NOTCH1: variants seen among roughly 807,000 people sequenced by gnomAD.
The protein encoded by NOTCH1 is notch receptor 1, also known as neurogenic locus notch homolog protein 1.
A neutral mutation model predicts 254.8 loss-of-function variants in NOTCH1; 37 were observed. That is an observed-to-expected ratio of 0.15 (90% CI 0.11 to 0.19). The LOEUF is 0.19. NOTCH1 is among the 10% of genes least tolerant of loss of function. The probability of loss-of-function intolerance (pLI) is 1.00; values close to 1 mark genes in which losing one functional copy is unlikely to be tolerated. For missense variants in NOTCH1, 2,972 were observed against 3,708.6 expected (o/e 0.80, Z 5.16); for synonymous variants, 1,731 against 1,618.1 (o/e 1.07, Z -1.68).
At chr9:136,509,186 C>T (rs909149460) in intron 18 of NOTCH1, 115 bp from the exon 19 acceptor site, 42 of 1,072,970 alleles carry the variant, frequency 3.9e-5, no homozygotes, top group Non-Finnish European at 5.4e-5. Context: ...GCCTGATGGC[C>T]AGGACAGGCC....
chr9:136,518,048 G>A (rs1231235503), intron 7 of NOTCH1, 89 bp downstream of exon 7: 2 of 1,552,922 alleles, frequency 1.3e-6, no homozygotes, highest in African/African-American at 1.4e-5. Flanking sequence ...ATCTAACTGG[G>A]CACCCCCTGA....
chr9:136,534,574 C>A (rs78664929), intron 2 of NOTCH1, among the ~76,000 whole-genome samples: 3,859 of 152,274 alleles, frequency 0.025, 63 homozygotes, highest in Non-Finnish European at 0.034. Flanking sequence ...CCAGACTGAA[C>A]AGCCCCGTGC....
rs534726390 is a variant in NOTCH1, at chr9:136,501,172, C to T, written c.5639-325G>A. ...TGCTTCAGCAGGATGCGGAGGCTCA[C>T]GCTGTCATCCTAGCACTGGGGGAGG... On this transcript the variant is annotated intron_variant, in intron 30 of 33. Coordinates refer to ENST00000651671, the MANE Select transcript of NOTCH1 (RefSeq NM_017617.5). Among the ~76,000 whole-genome samples, 6 of 152,330 alleles carry T rather than the reference C, an allele frequency of 3.9e-5. No homozygotes were observed. The South Asian group carries it at 1.2e-3, about 32-fold the overall frequency.
At chr9:136,519,867 C>G (rs772997905) in intron 4 of NOTCH1, among the ~76,000 whole-genome samples, 1 of 152,250 alleles carries the variant, frequency 6.6e-6, no homozygotes, top group Non-Finnish European at 1.5e-5. Flanking sequence ...ACCTGGGTGC[C>G]GCCTGCATGC....
intron 2 of NOTCH1, among the ~76,000 whole-genome samples, chr9:136,537,900 C>T (rs1843678561): frequency 6.6e-6 from 1 of 152,166 alleles, no homozygotes. Flanking sequence ...TGAGACCAGC[C>T]TGACCAATAT....
In NOTCH1 at chr9:136,496,282, G is replaced by A. The variant is rs1183279486; in HGVS notation, c.7457C>T (p.Ser2486Leu). 5 of 1,598,532 alleles carry A rather than the reference G, an allele frequency of 3.1e-6. No homozygotes were observed. Among genetic ancestry groups the A allele is most frequent in the East Asian group, 4.5e-5 (2 of 44,390 alleles). ...VTAAQFLTPP[S>L]QHSYSSPVDN... ...CACAGGCGAGGAGTAGCTGTGCTGC[G>A]AGGGGGGCGTCAGGAACTGGGCTGC... The change falls in exon 34 of 34, where the codon TCG (serine) becomes TTG (leucine). Residue 2486 changes from serine to leucine, a missense_variant. Coordinates refer to ENST00000651671, the MANE Select transcript of NOTCH1 (RefSeq NM_017617.5).
chr9:136,526,430 A>G (rs1469697968), intron 2 of NOTCH1, among the ~76,000 whole-genome samples: 1 of 152,246 alleles, frequency 6.6e-6, no homozygotes, highest in Non-Finnish European at 1.5e-5. Flanking sequence ...GAGGCTCCTC[A>G]GCCTGGCCCA....
intron 17 of NOTCH1, 136 bp downstream of exon 17, chr9:136,510,517 C>T: frequency 1.6e-6 from 2 of 1,222,384 alleles, no homozygotes; most frequent in South Asian, 1.3e-5. Flanking sequence ...ACATCCCCCA[C>T]ACCTGACCCA....
rs982698516 is a variant in NOTCH1, at chr9:136,540,808, G to A, written c.140+3216C>T. 1.3e-5 allele frequency among the ~76,000 whole-genome samples: 2 copies of A among 152,084 alleles called. No homozygotes were observed. The highest frequency in any genetic ancestry group is 4.8e-5 in the African/African-American group (2 of 41,398). ...CTACCCCCATTTCTCCCAGCTCCTGGAAGACGCCCCGTGCCATTCTGACTC... is the reference window on the plus strand; with the variant it reads ...CTACCCCCATTTCTCCCAGCTCCTGAAAGACGCCCCGTGCCATTCTGACTC... On this transcript the variant is annotated intron_variant, in intron 2 of 33. Transcript: ENST00000651671. This position sits in a 1 kb window ranked among gnomAD's most constrained non-coding sequence, Gnocchi z 4.4.
At chr9:136,523,620 G>C in intron 3 of NOTCH1, 97 bp downstream of exon 3, 1 of 1,477,436 alleles carries the variant, frequency 6.8e-7, no homozygotes, top group Non-Finnish European at 9.2e-7. Flanking sequence ...CCGGGTCAGA[G>C]ACCCGGGCCT....
At position 136,540,597 on chromosome 9, in the gene NOTCH1, C is replaced by T. The variant is rs1049680743; in HGVS notation, c.140+3427G>A. ...CGGTTCTCATGCAATCCTCACACACCACCAAGAGATCCAGCGTGTATCAGC... is the reference window on the plus strand; with the variant it reads ...CGGTTCTCATGCAATCCTCACACACTACCAAGAGATCCAGCGTGTATCAGC... On this transcript the variant is annotated intron_variant, in intron 2 of 33. Transcript: ENST00000651671. This position sits in a 1 kb window ranked among gnomAD's most constrained non-coding sequence, Gnocchi z 4.4. 6.6e-6 allele frequency among the ~76,000 whole-genome samples: 1 copy of T among 151,884 alleles called. No individual in the cohort carries two copies. The highest frequency in any genetic ancestry group is 2.4e-5 in the African/African-American group (1 of 41,206).
In NOTCH1 at chr9:136,500,765, C is replaced by T. The variant is rs1020718980; in HGVS notation, c.5721G>A (p.Pro1907=). Residue 1907 remains proline (P), a synonymous_variant, in exon 31 of 34, where the codon CCG becomes CCA. Transcript: ENST00000651671. The stretch of plus-strand genomic sequence containing the variant: ...GGTAGATGAAGTCGGAGATGACGGC[C>T]GGCGCGTCCTCCTCTTCCTCGCTGT... The part of the protein sequence containing the change: ...TGNSEEEEDA[P]AVISDFIYQG... 29 of 1,604,010 alleles carry T rather than the reference C, an allele frequency of 1.8e-5. No homozygotes were observed. Among genetic ancestry groups the T allele is most frequent in the South Asian group, 1.1e-4 (10 of 91,086 alleles).
chr9:136,517,687 G>T (rs1008347352), intron 8 of NOTCH1, 65 bp downstream of exon 8: 1 of 1,582,018 alleles, frequency 6.3e-7, no homozygotes. Flanking sequence ...AGATGTTCCC[G>T]GGGCTGCCCC....
intron 2 of NOTCH1, among the ~76,000 whole-genome samples, chr9:136,532,496 AG>A (rs1234545465): frequency 1.3e-5 from 2 of 152,150 alleles, no homozygotes; most frequent in African/African-American, 2.4e-5. Flanking sequence ...ACCTTCCTGG[AG>A]GGGCCCCCAC....
intron 4 of NOTCH1, among the ~76,000 whole-genome samples, chr9:136,520,887 G>A (rs1380360411): frequency 6.6e-6 from 1 of 152,154 alleles, no homozygotes; most frequent in African/African-American, 2.4e-5. Context: ...CACAGTGGGG[G>A]AGAGGGCGGG....
chr9:136,518,171 C>A lies in NOTCH1; in HGVS notation c.1221G>T (p.Pro407=), dbSNP rs367567190. The change falls in exon 7 of 34, where the codon CCG becomes CCT. Residue 407 remains proline (P), a synonymous_variant. Coordinates refer to ENST00000651671, the MANE Select transcript of NOTCH1 (RefSeq NM_017617.5). ...ICTCPSGYTG[P]ACSQDVDECS... ...ACTCATCCACGTCCTGGCTGCAGGC[C>A]GGGCCCGTGTACCCCGAGGGGCAGG... is the stretch of plus-strand genomic sequence containing the variant. 1 of 1,597,326 alleles carries A rather than the reference C, an allele frequency of 6.3e-7. No homozygotes were observed. The highest frequency in any genetic ancestry group is 2.3e-5 in the East Asian group (1 of 44,120).
In NOTCH1 at chr9:136,502,722, TC is replaced by T. The variant is rs879511778; in HGVS notation, c.5168-235del. 8 of 573,914 alleles carry T rather than the reference TC, an allele frequency of 1.4e-5. No individual in the cohort carries two copies. The Admixed American group carries it at 2.2e-4, about 16-fold the overall frequency. The allele number at this position is 573,914 out of a possible 1,614,324, so 35.6% of individuals were successfully genotyped here. A position where few individuals can be genotyped will look rare whatever the true frequency, so the allele number is the denominator to read the frequency against. On this transcript the variant is annotated intron_variant, in intron 27 of 33. Transcript: ENST00000651671. ...TATCTGGAGACGGCTTTTACTTTTT[TC>T]TCCTTTAAGGAAGGAGGATTAGTCA...
At chr9:136,544,520 C>G (rs988175305) in intron 1 of NOTCH1, among the ~76,000 whole-genome samples, 1 of 152,140 alleles carries the variant, frequency 6.6e-6, no homozygotes, top group Non-Finnish European at 1.5e-5. Flanking sequence ...CCGAGATTGC[C>G]TCTGTTCAAA....
intron 2 of NOTCH1, among the ~76,000 whole-genome samples, chr9:136,530,402 C>T (rs771886277): frequency 1.9e-4 from 29 of 152,226 alleles, no homozygotes; most frequent in Non-Finnish European, 3.4e-4. Context: ...CTACCTTTCC[C>T]GCAGCCGGGA....
Sources: gnomAD v4.1 joint callset for allele counts (sites outside exome capture counted in the v4.1 genomes callset) on GRCh38, gnomAD v4.1.1 for gene constraint, Gnocchi (gnomAD v3.1) non-coding constraint, MANE v1.5 for transcripts, NCBI Gene and HGNC (gene_info 2026-07-23, HGNC 2026-07-21) for gene names.